The following OLFM3 variants were observed in gnomAD, a reference collection of about 807,000 sequenced individuals.
OLFM3 encodes olfactomedin 3.
OLFM3 carries 20 observed loss-of-function variants against 48.6 expected under a neutral mutation model. That is an observed-to-expected ratio of 0.41 (90% CI 0.29 to 0.60). OLFM3 has a LOEUF of 0.60. OLFM3 is among the 20% of genes least tolerant of loss of function. The probability of loss-of-function intolerance (pLI) is 0.28; values close to 1 mark genes in which losing one functional copy is unlikely to be tolerated. For synonymous variants in OLFM3, 222 were observed against 198.1 expected, an observed-to-expected ratio of 1.12 and a Z score of -1.01; for missense variants, 437 against 544.3, an observed-to-expected ratio of 0.80 and a Z score of 1.96.
chr1:101,817,668 C>G (rs994537538), intron 4 of OLFM3, among the ~76,000 whole-genome samples: 1 of 151,884 alleles, frequency 6.6e-6, no homozygotes, highest in Non-Finnish European at 1.5e-5. Flanking sequence ...GCACTAATAG[C>G]TCTGGATTTG....
chr1:101,900,498 G>C (rs991416308), intron 1 of OLFM3, among the ~76,000 whole-genome samples: 1 of 152,122 alleles, frequency 6.6e-6, no homozygotes, highest in Non-Finnish European at 1.5e-5. Flanking sequence ...ATCTGGCATA[G>C]AGAAGGCATT....
chr1:101,816,566 C>T (rs1309465875), intron 4 of OLFM3, among the ~76,000 whole-genome samples: 4 of 152,142 alleles, frequency 2.6e-5, no homozygotes, highest in African/African-American at 9.7e-5. Flanking sequence ...GGTTTGAACA[C>T]TGAGGCATGA....
chr1:101,816,958 C>T (rs1227325509), intron 4 of OLFM3, among the ~76,000 whole-genome samples: 1 of 151,986 alleles, frequency 6.6e-6, no homozygotes, highest in Non-Finnish European at 1.5e-5. Flanking sequence ...ATGAAATTAA[C>T]AAAATTAAAG....
chr1:101,945,814 AT>A (rs2101064802), intron 1 of OLFM3, among the ~76,000 whole-genome samples: 1 of 152,198 alleles, frequency 6.6e-6, no homozygotes, highest in South Asian at 2.1e-4. Context: ...CAATAAAGTT[AT>A]TGGGATATAA....
intron 1 of OLFM3, among the ~76,000 whole-genome samples, chr1:101,930,923 C>T (rs1445347816): frequency 2.6e-5 from 4 of 152,190 alleles, no homozygotes; most frequent in Non-Finnish European, 5.9e-5. Context: ...CTAAAGGAAT[C>T]ATTTACATCA....
intron 1 of OLFM3, among the ~76,000 whole-genome samples, chr1:101,899,101 A>G: frequency 6.6e-6 from 1 of 152,106 alleles, no homozygotes; most frequent in South Asian, 2.1e-4. Context: ...CTCAGCTGGG[A>G]GGCTCTACCT....
At chr1:101,934,641 T>A (rs1326142716) in intron 1 of OLFM3, among the ~76,000 whole-genome samples, 1 of 151,798 alleles carries the variant, frequency 6.6e-6, no homozygotes, top group Non-Finnish European at 1.5e-5. Flanking sequence ...ATCTACAGAC[T>A]CTACCTAAAA....
At chr1:101,990,174 C>T (rs994874150) in intron 1 of OLFM3, among the ~76,000 whole-genome samples, 1 of 152,070 alleles carries the variant, frequency 6.6e-6, no homozygotes, top group South Asian at 2.1e-4. Context: ...GTAAAATATG[C>T]CTTTTTGGAT....
intron 1 of OLFM3, among the ~76,000 whole-genome samples, chr1:101,922,046 G>A (rs548502345): frequency 1.1e-4 from 17 of 151,882 alleles, no homozygotes; most frequent in East Asian, 7.8e-4. Flanking sequence ...GTAATAGAGC[G>A]AGACTCCATC....
intron 1 of OLFM3, among the ~76,000 whole-genome samples, chr1:101,951,233 T>C (rs1660136224): frequency 6.6e-6 from 1 of 152,232 alleles, no homozygotes; most frequent in Non-Finnish European, 1.5e-5. Flanking sequence ...ATGAGATAAA[T>C]ACACAATATT....
At chr1:101,854,062 A>G (rs1570564872) in intron 1 of OLFM3, among the ~76,000 whole-genome samples, 1 of 152,062 alleles carries the variant, frequency 6.6e-6, no homozygotes, top group East Asian at 1.9e-4. Context: ...TATGGTATGT[A>G]GAGAATATTT....
At chr1:101,957,330 C>G (rs571830167) in intron 1 of OLFM3, among the ~76,000 whole-genome samples, 8 of 151,984 alleles carry the variant, frequency 5.3e-5, no homozygotes, top group African/African-American at 9.7e-5. Flanking sequence ...GCCAAAAACT[C>G]TACAAGTCAA....
intron 1 of OLFM3, chr1:101,893,453 A>G: frequency 3.6e-6 from 1 of 276,258 alleles, no homozygotes; most frequent in Non-Finnish European, 7.5e-6. Flanking sequence ...AGACGATTCT[A>G]GAAATTCATA....
intron 2 of OLFM3, among the ~76,000 whole-genome samples, chr1:101,834,858 C>T (rs879331141): frequency 6.6e-6 from 1 of 152,122 alleles, no homozygotes; most frequent in African/African-American, 2.4e-5. Flanking sequence ...TTCAACCAAC[C>T]AATATAATGC....
intron 1 of OLFM3, among the ~76,000 whole-genome samples, chr1:101,928,839 T>C (rs1178979021): frequency 3.3e-5 from 5 of 152,140 alleles, no homozygotes; most frequent in Non-Finnish European, 7.4e-5. Context: ...ATATTAAATG[T>C]ACTCAAAAGA....
chr1:101,871,093 T>A (rs552512887), intron 1 of OLFM3, among the ~76,000 whole-genome samples: 1 of 152,132 alleles, frequency 6.6e-6, no homozygotes, highest in Non-Finnish European at 1.5e-5. Flanking sequence ...AATAGTTTAG[T>A]TTTATATTTA....
Position 101,804,063 on chromosome 1 carries a change from C to A in OLFM3, c.*175G>T. ...TAAATTTAGAAGTTAAGATGTGTTT[C>A]CAACATGGTAAGTTAGACAAGCTCA... On this transcript the variant is annotated 3_prime_UTR_variant, in exon 6 of 6. Coordinates refer to ENST00000370103, the MANE Select transcript of OLFM3 (RefSeq NM_058170.4). The surrounding 1 kb of genome is among the most constrained non-coding windows in gnomAD (Gnocchi z 4.5). 1 of 504,972 alleles carries A rather than the reference C, an allele frequency of 2.0e-6. No individual in the cohort carries two copies. Among genetic ancestry groups the A allele is most frequent in the Non-Finnish European group, 3.4e-6 (1 of 291,922 alleles). The allele number at this position is 504,972 out of a possible 1,614,324, so 31.3% of individuals were successfully genotyped here. A position where few individuals can be genotyped will look rare whatever the true frequency, so the allele number is the denominator to read the frequency against.
intron 1 of OLFM3, among the ~76,000 whole-genome samples, chr1:101,984,499 G>A (rs1379430165): frequency 6.6e-6 from 1 of 152,110 alleles, no homozygotes; most frequent in African/African-American, 2.4e-5. Flanking sequence ...CAGGGTTCTA[G>A]CAATTCTCCT....
intron 1 of OLFM3, among the ~76,000 whole-genome samples, chr1:101,940,805 C>G (rs548235542): frequency 6.6e-6 from 1 of 151,068 alleles, no homozygotes; most frequent in African/African-American, 2.4e-5. Context: ...TATAGCTTAA[C>G]TATGTAGCTA....
Sources: allele counts gnomAD v4.1 joint callset (sites outside exome capture counted in the v4.1 genomes callset), GRCh38; gene constraint gnomAD v4.1.1; non-coding constraint Gnocchi (gnomAD v3.1); transcripts MANE v1.5; gene names NCBI Gene and HGNC (gene_info 2026-07-23, HGNC 2026-07-21).